The following FHIT variants were observed in gnomAD, a reference collection of about 807,000 sequenced individuals.
The protein encoded by FHIT is bis(5'-adenosyl)-triphosphatase.
In FHIT, 19 loss-of-function variants were observed where a neutral mutation model predicts 17.9. The observed-to-expected ratio is 1.06, with a 90% confidence interval of 0.74 to 1.56. FHIT has a LOEUF of 1.56. Among genes scored for constraint, FHIT ranks in the 40% most tolerant of loss-of-function variants. The pLI, the probability that FHIT is intolerant of heterozygous loss-of-function variation, is 0.00. For synonymous variants in FHIT, 81 were observed against 69.7 expected (o/e 1.16, Z -0.81); for missense variants, 248 against 189.2 (o/e 1.31, Z -1.82).
intron 7 of FHIT, among the ~76,000 whole-genome samples, chr3:59,968,366 G>A (rs1708026511): frequency 3.3e-5 from 5 of 151,916 alleles, no homozygotes. Flanking sequence ...GAACTTTAAG[G>A]TGGTCAGAAA....
At chr3:61,187,791 T>A (rs1467624567) in intron 2 of FHIT, among the ~76,000 whole-genome samples, 2 of 152,114 alleles carry the variant, frequency 1.3e-5, no homozygotes, top group Non-Finnish European at 2.9e-5. Flanking sequence ...TCAAAACCGC[T>A]CAATTACATG....
intron 8 of FHIT, among the ~76,000 whole-genome samples, chr3:59,837,934 A>C (rs1701396126): frequency 6.6e-6 from 1 of 152,184 alleles, no homozygotes; most frequent in South Asian, 2.1e-4. Flanking sequence ...TAAAGAGCCT[A>C]GAACAGTGCC....
At chr3:59,889,975 CTT>C (rs1703785266) in intron 8 of FHIT, among the ~76,000 whole-genome samples, 1 of 152,188 alleles carries the variant, frequency 6.6e-6, no homozygotes, top group Admixed American at 6.5e-5. Flanking sequence ...CATGTGAAAA[CTT>C]TCCTTAGAAT....
intron 5 of FHIT, among the ~76,000 whole-genome samples, chr3:60,161,991 T>C (rs534224862): frequency 3.3e-5 from 5 of 152,130 alleles, no homozygotes; most frequent in African/African-American, 7.2e-5. Flanking sequence ...AAACCGGACG[T>C]TGGAAAGAAT....
chr3:60,077,735 T>C (rs4019410), intron 5 of FHIT, among the ~76,000 whole-genome samples: 7 of 63,218 alleles, frequency 1.1e-4, no homozygotes, highest in African/African-American at 4.5e-4. Context: ...CACACATATA[T>C]AGAGGGGGGG....
intron 4 of FHIT, among the ~76,000 whole-genome samples, chr3:60,714,592 G>C (rs1236439381): frequency 6.6e-6 from 1 of 152,086 alleles, no homozygotes; most frequent in African/African-American, 2.4e-5. Flanking sequence ...AAAGTCTCAG[G>C]ATACAAAATC....
At chr3:60,235,234 G>GTTTTTTTTTTTTTTTTTTTTTT (rs11441829) in intron 5 of FHIT, among the ~76,000 whole-genome samples, 1 of 143,086 alleles carries the variant, frequency 7.0e-6, no homozygotes, top group African/African-American at 2.6e-5. Context: ...TTTGTTTGTT[G>GTTTTTTTTTTTTTTTTTTTTTT]TTTTTTTTTT....
At chr3:60,503,494 A>G (rs531325610) in intron 5 of FHIT, among the ~76,000 whole-genome samples, 1 of 152,294 alleles carries the variant, frequency 6.6e-6, no homozygotes, top group African/African-American at 2.4e-5. Flanking sequence ...CTGAGTGTGT[A>G]TGCATGTAAT....
chr3:60,594,121 T>A (rs1553665369), intron 4 of FHIT, among the ~76,000 whole-genome samples: 1 of 152,136 alleles, frequency 6.6e-6, no homozygotes, highest in East Asian at 1.9e-4. Context: ...ATAAAAATAT[T>A]GTTTCCAGTT....
intron 5 of FHIT, among the ~76,000 whole-genome samples, chr3:60,079,677 G>A (rs1038161882): frequency 9.2e-5 from 14 of 151,928 alleles, no homozygotes; most frequent in Admixed American, 3.9e-4. Flanking sequence ...AAGAAGATAC[G>A]TGGGAAGGAA....
chr3:60,135,792 G>C (rs1430995779), intron 5 of FHIT, among the ~76,000 whole-genome samples: 1 of 152,086 alleles, frequency 6.6e-6, no homozygotes, highest in Admixed American at 6.6e-5. Flanking sequence ...CTCACATGCT[G>C]ATTACAGACA....
chr3:60,020,979 T>C (rs1237860086), intron 5 of FHIT, among the ~76,000 whole-genome samples: 1 of 152,164 alleles, frequency 6.6e-6, no homozygotes, highest in Non-Finnish European at 1.5e-5. Context: ...ACACCTTTTT[T>C]CAGTGGGGAT....
At chr3:60,405,961 A>C (rs1420584687) in intron 5 of FHIT, among the ~76,000 whole-genome samples, 1 of 152,226 alleles carries the variant, frequency 6.6e-6, no homozygotes, top group Non-Finnish European at 1.5e-5. Flanking sequence ...TTATATGTTA[A>C]GTGGTGAGGC....
At chr3:60,609,110 A>C (rs782659849) in intron 4 of FHIT, among the ~76,000 whole-genome samples, 1 of 151,854 alleles carries the variant, frequency 6.6e-6, no homozygotes, top group South Asian at 2.1e-4. Context: ...GATCATTTTC[A>C]TGCCACTTTG....
rs79974084 is a variant in FHIT, at chr3:60,558,441, A to G, written c.-17-21462T>C. Reference sequence around the variant, plus strand: ...CAAGCCAAGCAGATGAGGCAGAGTCATATAGGGAGCTCAGGAGAGTTTGAG... The same window carrying G: ...CAAGCCAAGCAGATGAGGCAGAGTCGTATAGGGAGCTCAGGAGAGTTTGAG... On this transcript the variant is annotated intron_variant, in intron 4 of 9. Coordinates refer to ENST00000492590, the MANE Select transcript of FHIT (RefSeq NM_002012.4). Among the ~76,000 whole-genome samples, 84 of 151,898 alleles carry G rather than the reference A, an allele frequency of 5.5e-4. 1 individual carries two copies. In the East Asian group the frequency reaches 0.015, roughly 26 times the overall value.
chr3:60,803,975 G>T (rs1553733159), intron 4 of FHIT, among the ~76,000 whole-genome samples: 2 of 152,084 alleles, frequency 1.3e-5, no homozygotes, highest in African/African-American at 4.8e-5. Flanking sequence ...GGCACCCCAG[G>T]GGCTGGCATC....
At chr3:60,992,639 G>T (rs1575808837) in intron 3 of FHIT, among the ~76,000 whole-genome samples, 1 of 152,212 alleles carries the variant, frequency 6.6e-6, no homozygotes. Context: ...ATGGGGAAGT[G>T]TGTTAAACTG....
At chr3:60,765,828 G>T (rs919577549) in intron 4 of FHIT, among the ~76,000 whole-genome samples, 6 of 152,224 alleles carry the variant, frequency 3.9e-5, no homozygotes, top group Non-Finnish European at 8.8e-5. Context: ...GCAGGTGGAA[G>T]AAGGTGCGAT....
intron 2 of FHIT, among the ~76,000 whole-genome samples, chr3:61,060,333 C>T (rs910559653): frequency 3.3e-5 from 5 of 152,094 alleles, no homozygotes; most frequent in Admixed American, 2.0e-4. Flanking sequence ...GTCCCAGTTT[C>T]CAGGAACCTA....
Sources: gnomAD v4.1 joint callset for allele counts (sites outside exome capture counted in the v4.1 genomes callset) on GRCh38, gnomAD v4.1.1 for gene constraint, MANE v1.5 for transcripts, NCBI Gene and HGNC (gene_info 2026-07-23, HGNC 2026-07-21) for gene names.